ZNF578: variants seen among roughly 807,000 people sequenced by gnomAD.
ZNF578 encodes the protein zinc finger protein 578.
In ZNF578, 8 loss-of-function variants were observed where a neutral mutation model predicts 8.3. The observed-to-expected ratio is 0.96, with a 90% CI of 0.56 to 1.74. ZNF578 has a LOEUF of 1.74. ZNF578 is among the 40% of genes most tolerant of loss of function. ZNF578 has a pLI of 0.00. For synonymous variants in ZNF578, 206 were observed against 232.2 expected (o/e 0.89, Z 1.03); for missense variants, 726 against 707.5 (o/e 1.03, Z -0.30).
intron 3 of ZNF578, among the ~76,000 whole-genome samples, chr19:52,499,506 C>G (rs1265477210): frequency 6.6e-6 from 1 of 152,194 alleles, no homozygotes; most frequent in East Asian, 1.9e-4. Context: ...AACACATTCC[C>G]TTGCAGTCTG....
intron 2 of ZNF578, among the ~76,000 whole-genome samples, chr19:52,481,898 G>C (rs924629889): frequency 2.6e-5 from 4 of 151,894 alleles, no homozygotes; most frequent in Non-Finnish European, 4.4e-5. Flanking sequence ...GACCAGCTAG[G>C]TTTTGTATTC....
chr19:52,487,948 T>C (rs1228747483), intron 2 of ZNF578, among the ~76,000 whole-genome samples: 2 of 118,290 alleles, frequency 1.7e-5, no homozygotes, highest in Non-Finnish European at 3.5e-5. Flanking sequence ...CTGGCCTACA[T>C]AGCCCCCCCC....
At chr19:52,463,982 C>A (rs1467556479) in intron 2 of ZNF578, among the ~76,000 whole-genome samples, 1 of 152,160 alleles carries the variant, frequency 6.6e-6, no homozygotes, top group Non-Finnish European at 1.5e-5. Context: ...GCTAAATTAA[C>A]TTGCCATGTA....
chr19:52,468,817 T>G (rs931940788), intron 2 of ZNF578, among the ~76,000 whole-genome samples: 1 of 152,200 alleles, frequency 6.6e-6, no homozygotes, highest in Non-Finnish European at 1.5e-5. Flanking sequence ...CCATGCTGGA[T>G]GCTTGTTTAT....
chr19:52,476,682 A>G (rs1010480557), intron 2 of ZNF578, among the ~76,000 whole-genome samples: 1 of 152,236 alleles, frequency 6.6e-6, no homozygotes, highest in Non-Finnish European at 1.5e-5. Context: ...AGAGCTGAAA[A>G]GTATATGACT....
intron 2 of ZNF578, among the ~76,000 whole-genome samples, chr19:52,470,623 C>G (rs1263308126): frequency 6.6e-6 from 1 of 152,168 alleles, no homozygotes; most frequent in Non-Finnish European, 1.5e-5. Flanking sequence ...ATCCAGTTGA[C>G]TGCCAGACGG....
chr19:52,500,179 A>G (rs940021317), intron 3 of ZNF578, among the ~76,000 whole-genome samples: 1 of 152,128 alleles, frequency 6.6e-6, no homozygotes, highest in African/African-American at 2.4e-5. Flanking sequence ...AATCTTACAG[A>G]GATCTCAGTT....
intron 2 of ZNF578, among the ~76,000 whole-genome samples, chr19:52,466,395 G>C (rs1288806646): frequency 6.6e-6 from 1 of 152,150 alleles, no homozygotes; most frequent in Non-Finnish European, 1.5e-5. Flanking sequence ...ATGGCAATTA[G>C]GAGGCTTTCC....
At chr19:52,467,322 T>C (rs1220317650) in intron 2 of ZNF578, among the ~76,000 whole-genome samples, 8 of 152,206 alleles carry the variant, frequency 5.3e-5, no homozygotes, top group Non-Finnish European at 1.0e-4. Context: ...AATTTACTTT[T>C]GTAGATCATA....
At chr19:52,481,291 G>A (rs1354562347) in intron 2 of ZNF578, among the ~76,000 whole-genome samples, 1 of 152,188 alleles carries the variant, frequency 6.6e-6, no homozygotes, top group African/African-American at 2.4e-5. Context: ...CTATCCCTGT[G>A]TATGGGTGCC....
At chr19:52,496,768 G>T (rs2059388364) in intron 3 of ZNF578, among the ~76,000 whole-genome samples, 2 of 151,836 alleles carry the variant, frequency 1.3e-5, no homozygotes, top group African/African-American at 4.8e-5. Context: ...CTCCTAAGTA[G>T]TTATGATTAC....
intron 5 of ZNF578, among the ~76,000 whole-genome samples, chr19:52,506,760 A>G (rs1303780340): frequency 6.6e-6 from 1 of 152,116 alleles, no homozygotes; most frequent in East Asian, 1.9e-4. Flanking sequence ...TTGTATTTTT[A>G]GTAGAGGTGG....
chr19:52,501,775 G>A, intron 3 of ZNF578, 52 bp from the exon 4 acceptor site: 2 of 1,582,608 alleles, frequency 1.3e-6, no homozygotes, highest in Non-Finnish European at 1.7e-6. Context: ...TTTATCACAG[G>A]AAGGGAGTGA....
chr19:52,455,193 CTTTTTTTTT>C (rs10607252), intron 1 of ZNF578: 2 of 98,404 alleles, frequency 2.0e-5, no homozygotes, highest in South Asian at 3.3e-4. Flanking sequence ...GCCTTTCTAT[CTTTTTTTTT>C]TTTTTTTTTT....
chr19:52,460,391 T>C (rs1160008115), intron 2 of ZNF578, among the ~76,000 whole-genome samples: 1 of 152,150 alleles, frequency 6.6e-6, no homozygotes. Flanking sequence ...TTGGCATTTG[T>C]GTTATGTTTG....
chr19:52,478,973 CA>C (rs1473746635), intron 2 of ZNF578, among the ~76,000 whole-genome samples: 1 of 151,698 alleles, frequency 6.6e-6, no homozygotes, highest in Non-Finnish European at 1.5e-5. Context: ...CTCAGCCTCC[CA>C]AAGTGCTGGG....
chr19:52,488,121 T>C (rs1264349029), intron 2 of ZNF578, among the ~76,000 whole-genome samples: 1 of 152,066 alleles, frequency 6.6e-6, no homozygotes, highest in Non-Finnish European at 1.5e-5. Context: ...CCAGCTAATT[T>C]TGTGTTTTTA....
chr19:52,516,653 G>T lies in ZNF578; in HGVS notation c.*4499G>T, dbSNP rs917850763. Among the ~76,000 whole-genome samples, 11 of 152,154 alleles carry T rather than the reference G, an allele frequency of 7.2e-5. No homozygotes were observed. The highest frequency in any genetic ancestry group is 1.6e-4 in the Non-Finnish European group (11 of 68,044). On this transcript the variant is annotated 3_prime_UTR_variant, in exon 6 of 6. Transcript: ENST00000421239. ...TTCTGCACCATCTTGACTGATCAAT[G>T]TGCTTTGTAATCTCCCCCACCCTTC... is the stretch of plus-strand genomic sequence containing the variant.
rs201156585 is a variant in ZNF578 at position 52,510,971 on chromosome 19, C to G, written c.590C>G (p.Ser197Cys). Residue 197 changes from serine to cysteine, a missense_variant, in exon 6 of 6, where the codon TCT becomes TGT. Coordinates refer to ENST00000421239, the MANE Select transcript of ZNF578 (RefSeq NM_001099694.2). ...TCAATTTCAACATCCCAAAGAATTT[C>G]TTGTAGGCCTGAAACACATACTCCT... Reference protein sequence around the residue: ...ASSISTSQRISCRPETHTPNN... With the variant: ...ASSISTSQRICCRPETHTPNN... 119 of 1,614,036 alleles carry G rather than the reference C, an allele frequency of 7.4e-5. No individual in the cohort carries two copies. The highest frequency in any genetic ancestry group is 6.6e-4 in the Middle Eastern group (4 of 6,084).
Sources: gnomAD v4.1 joint callset for allele counts (sites outside exome capture counted in the v4.1 genomes callset) on GRCh38, gnomAD v4.1.1 for gene constraint, MANE v1.5 for transcripts, NCBI Gene and HGNC (gene_info 2026-07-23, HGNC 2026-07-21) for gene names.